Variants in DPY19L3 observed in about 807,000 individuals in gnomAD.
DPY19L3 encodes dpy-19 like C-mannosyltransferase 3, also known as protein C-mannosyl-transferase DPY19L3.
A neutral mutation model predicts 92.3 loss-of-function variants in DPY19L3; 51 were observed. The ratio of observed to expected loss-of-function variants is 0.55; its 90% CI spans 0.44 to 0.70. DPY19L3 has a LOEUF of 0.70. DPY19L3 is among the 30% of genes least tolerant of loss of function. DPY19L3 has a pLI of 0.00. For missense variants in DPY19L3, 706 were observed against 855.9 expected (o/e 0.82, Z 2.18); for synonymous variants, 309 against 315.2 (o/e 0.98, Z 0.21).
At chr19:32,440,244 AAG>A (rs1166094772) in intron 8 of DPY19L3, among the ~76,000 whole-genome samples, 1 of 152,250 alleles carries the variant, frequency 6.6e-6, no homozygotes, top group Admixed American at 6.5e-5. Flanking sequence ...ACTTTTAAAA[AAG>A]AAATCAATAG....
intron 8 of DPY19L3, among the ~76,000 whole-genome samples, chr19:32,452,618 C>T (rs1969739170): frequency 6.6e-6 from 1 of 152,136 alleles, no homozygotes; most frequent in Admixed American, 6.5e-5. Context: ...CTTTACTTCC[C>T]CTTTAATTAA....
At chr19:32,432,879 C>T in intron 4 of DPY19L3, 73 bp downstream of exon 4, 1 of 1,186,630 alleles carries the variant, frequency 8.4e-7, no homozygotes, top group Non-Finnish European at 1.2e-6. Context: ...GTACTGTGCA[C>T]TAAAAACCAC....
At chr19:32,439,990 A>G in intron 8 of DPY19L3, 80 bp downstream of exon 8, 1 of 1,542,524 alleles carries the variant, frequency 6.5e-7, no homozygotes, top group East Asian at 2.3e-5. Flanking sequence ...AAAATATGCA[A>G]GTACTTATGG....
intron 8 of DPY19L3, among the ~76,000 whole-genome samples, chr19:32,447,464 C>T (rs1363931127): frequency 6.6e-6 from 1 of 152,148 alleles, no homozygotes; most frequent in Non-Finnish European, 1.5e-5. Context: ...TGCCTATAAT[C>T]CCAGCACTTT....
chr19:32,430,156 C>T (rs540562392), intron 3 of DPY19L3, among the ~76,000 whole-genome samples: 16 of 152,170 alleles, frequency 1.1e-4, no homozygotes, highest in African/African-American at 3.4e-4. Flanking sequence ...TGGGAGGCCA[C>T]GGCAGGAGGA....
At chr19:32,445,000 G>C (rs965818043) in intron 8 of DPY19L3, among the ~76,000 whole-genome samples, 3 of 151,038 alleles carry the variant, frequency 2.0e-5, no homozygotes, top group Non-Finnish European at 4.4e-5. Context: ...GGCTGAAGTG[G>C]GAGAAATTGA....
At chr19:32,478,635 T>C (rs187061599) in intron 17 of DPY19L3, among the ~76,000 whole-genome samples, 1 of 152,168 alleles carries the variant, frequency 6.6e-6, no homozygotes, top group Non-Finnish European at 1.5e-5. Context: ...TGGTGCCCCT[T>C]TCTCCATTTT....
intron 8 of DPY19L3, among the ~76,000 whole-genome samples, chr19:32,445,076 A>C (rs1207226217): frequency 3.1e-5 from 4 of 130,972 alleles, no homozygotes; most frequent in Non-Finnish European, 6.4e-5. Flanking sequence ...ACCCAGTCTC[A>C]AAAAAAAAAA....
At chr19:32,466,510 C>T (rs150166680) in intron 15 of DPY19L3, among the ~76,000 whole-genome samples, 1 of 152,356 alleles carries the variant, frequency 6.6e-6, no homozygotes, top group East Asian at 1.9e-4. Flanking sequence ...GCTTCAGCCT[C>T]TGCCCGCTCA....
At chr19:32,424,021 A>C (rs1462044511) in intron 3 of DPY19L3, among the ~76,000 whole-genome samples, 3 of 151,626 alleles carry the variant, frequency 2.0e-5, no homozygotes, top group African/African-American at 7.3e-5. Flanking sequence ...GAAAAAAAAA[A>C]GGTTGGGGAG....
At chr19:32,442,181 C>T (rs1259621006) in intron 8 of DPY19L3, among the ~76,000 whole-genome samples, 47 of 152,148 alleles carry the variant, frequency 3.1e-4, no homozygotes, top group Admixed American at 3.1e-3. Flanking sequence ...AGTGTGGTGA[C>T]AAGAAGCAGT....
intron 8 of DPY19L3, among the ~76,000 whole-genome samples, chr19:32,446,562 A>G (rs1359048919): frequency 6.6e-6 from 1 of 152,214 alleles, no homozygotes; most frequent in African/African-American, 2.4e-5. Context: ...AGAAAGGAGT[A>G]GCTATGTTAA....
At chr19:32,435,573 C>T (rs529900216) in intron 4 of DPY19L3, among the ~76,000 whole-genome samples, 1 of 152,262 alleles carries the variant, frequency 6.6e-6, no homozygotes, top group South Asian at 2.1e-4. Flanking sequence ...ATTTTGTATT[C>T]CCAACTGTAG....
At chr19:32,414,923 T>C (rs1968327994) in intron 3 of DPY19L3, among the ~76,000 whole-genome samples, 1 of 152,222 alleles carries the variant, frequency 6.6e-6, no homozygotes, top group Admixed American at 6.5e-5. Context: ...TAGTTTTACC[T>C]AGTATTTACT....
intron 3 of DPY19L3, chr19:32,412,491 T>C (rs572382931): frequency 6.7e-6 from 1 of 150,336 alleles, no homozygotes; most frequent in African/African-American, 2.4e-5. Context: ...AAAAAGCCAC[T>C]GCTTTAAATC....
In DPY19L3 at chr19:32,480,712, C is replaced by G. The variant is rs752145524; in HGVS notation, c.1989+155C>G. ...TTCTCTTGCTTCCTACAGAAGCCCT[C>G]TCTTGGCACTTTAGTGACTGCCACC... On this transcript the variant is annotated intron_variant, in intron 18 of 18. Coordinates refer to ENST00000392250, the MANE Select transcript of DPY19L3 (RefSeq NM_001172774.2). 2.8e-6 allele frequency: 3 copies of G among 1,071,740 alleles called. No homozygotes were observed. The South Asian group carries it at 5.0e-5, about 18-fold the overall frequency. The allele number at this position is 1,071,740 out of a possible 1,614,324, so 66.4% of individuals were successfully genotyped here.
intron 3 of DPY19L3, among the ~76,000 whole-genome samples, chr19:32,423,422 G>GTTTTT (rs1599601418): frequency 6.2e-5 from 3 of 48,486 alleles, no homozygotes; most frequent in African/African-American, 1.5e-4. Flanking sequence ...TTTTTTTTTG[G>GTTTTT]TATTTTTAGT....
At chr19:32,427,757 A>G (rs932220953) in intron 3 of DPY19L3, among the ~76,000 whole-genome samples, 3 of 152,158 alleles carry the variant, frequency 2.0e-5, no homozygotes, top group Non-Finnish European at 2.9e-5. Context: ...TAACCAGACA[A>G]TAAACCATGT....
At chr19:32,480,800 C>T (rs1970650993) in intron 18 of DPY19L3, 2 of 567,460 alleles carry the variant, frequency 3.5e-6, no homozygotes, top group Admixed American at 3.4e-5. Flanking sequence ...CCAAACAGAG[C>T]AGCTCTGCCT....
Sources: gnomAD v4.1 joint callset for allele counts (sites outside exome capture counted in the v4.1 genomes callset) on GRCh38, gnomAD v4.1.1 for gene constraint, MANE v1.5 for transcripts, NCBI Gene and HGNC (gene_info 2026-07-23, HGNC 2026-07-21) for gene names.